Variants in ATAD2B observed in about 807,000 individuals in gnomAD.
ATAD2B encodes the protein ATPase family AAA domain containing 2B, also known as ATPase family AAA domain-containing protein 2B.
ATAD2B carries 40 observed loss-of-function variants against 167.6 expected under a neutral mutation model. The observed-to-expected ratio is 0.24, with a 90% confidence interval of 0.19 to 0.31. The LOEUF is 0.31. Ranked by LOEUF, ATAD2B falls within the 10% of genes least tolerant of loss-of-function variation. The pLI is 1.00. For missense variants in ATAD2B, 1,242 were observed against 1,757.2 expected, an observed-to-expected ratio of 0.71 and a Z score of 5.24; for synonymous variants, 579 against 596.5, an observed-to-expected ratio of 0.97 and a Z score of 0.43.
chr2:23,840,492 T>G (rs563947883), intron 13 of ATAD2B, among the ~76,000 whole-genome samples: 16 of 152,366 alleles, frequency 1.1e-4, no homozygotes, highest in African/African-American at 3.8e-4. Flanking sequence ...GATTTTTGTC[T>G]TTACAACACA....
chr2:23,851,423 G>A (rs781697954), intron 13 of ATAD2B, among the ~76,000 whole-genome samples: 16 of 152,188 alleles, frequency 1.1e-4, no homozygotes, highest in Non-Finnish European at 1.6e-4. Flanking sequence ...CTACAAGTGT[G>A]AGCCACTGTG....
chr2:23,806,202 C>T (rs1196701011), intron 18 of ATAD2B: 3 of 152,030 alleles, frequency 2.0e-5, no homozygotes, highest in Admixed American at 2.0e-4. Context: ...TTTATAGTTC[C>T]ACTGCCCATG....
chr2:23,910,433 C>G (rs1420066422), intron 1 of ATAD2B, among the ~76,000 whole-genome samples: 2 of 151,372 alleles, frequency 1.3e-5, no homozygotes, highest in Non-Finnish European at 2.9e-5. Context: ...CTGCCTAGGC[C>G]TCCCAAAGTG....
rs1331878566 is a variant in ATAD2B at position 23,817,930 on chromosome 2, A to G, written c.2267+1817T>C. Reference sequence around the variant, plus strand: ...TAAAAAGTCAAACTTAACACTGTACATGATACTTTCTAATATCAAAATCTA... The same window carrying G: ...TAAAAAGTCAAACTTAACACTGTACGTGATACTTTCTAATATCAAAATCTA... On this transcript the variant is annotated intron_variant, in intron 17 of 27. Coordinates refer to ENST00000238789, the MANE Select transcript of ATAD2B (RefSeq NM_017552.4). Among the ~76,000 whole-genome samples, 3 of 152,282 alleles carry G rather than the reference A, an allele frequency of 2.0e-5. No individual in the cohort carries two copies. The South Asian group carries it at 6.2e-4, about 32-fold the overall frequency.
intron 15 of ATAD2B, among the ~76,000 whole-genome samples, chr2:23,824,227 G>A (rs1687904543): frequency 6.6e-6 from 1 of 152,192 alleles, no homozygotes; most frequent in Non-Finnish European, 1.5e-5. Context: ...ACCCTCAAGT[G>A]CTGGGATTAC....
At chr2:23,726,747 G>A in the ATAD2B span, among the ~76,000 whole-genome samples, 12 of 152,230 alleles carry the variant, frequency 7.9e-5, no homozygotes, top group Middle Eastern at 3.4e-3. Flanking sequence ...TAAATAAGCC[G>A]GACACAAAAG....
chr2:23,711,229 TTC>T, the ATAD2B span, among the ~76,000 whole-genome samples: 1 of 151,816 alleles, frequency 6.6e-6, no homozygotes, highest in Non-Finnish European at 1.5e-5. Flanking sequence ...GCAATTTTTC[TTC>T]TCTCTTGTCC....
chr2:23,815,485 C>T (rs760000471), intron 17 of ATAD2B, among the ~76,000 whole-genome samples: 3 of 152,068 alleles, frequency 2.0e-5, no homozygotes, highest in Non-Finnish European at 4.4e-5. Flanking sequence ...CAGCTATGTA[C>T]GGAAAGATCC....
chr2:23,785,803 G>A, intron 21 of ATAD2B: 1 of 438,006 alleles, frequency 2.3e-6, no homozygotes, highest in Non-Finnish European at 4.0e-6. Flanking sequence ...GACCACAAAG[G>A]TTAATAATAA....
intron 1 of ATAD2B, among the ~76,000 whole-genome samples, chr2:23,913,248 T>G (rs1318621547): frequency 6.6e-6 from 1 of 152,224 alleles, no homozygotes; most frequent in East Asian, 1.9e-4. Flanking sequence ...CTATGTTAAG[T>G]GAGAGATGTT....
At chr2:23,872,320 A>C (rs1696118219) in intron 8 of ATAD2B, 5 of 566,150 alleles carry the variant, frequency 8.8e-6, no homozygotes, top group Admixed American at 2.0e-5. Flanking sequence ...CAGGAACTGC[A>C]TGCACCTGAT....
At chr2:23,865,513 G>A (rs1356399076) in intron 10 of ATAD2B, among the ~76,000 whole-genome samples, 1 of 145,110 alleles carries the variant, frequency 6.9e-6, no homozygotes, top group African/African-American at 2.6e-5. Context: ...TGGGCAACAA[G>A]AGTGAAACTC....
At chr2:23,819,035 A>G (rs1687032656) in intron 17 of ATAD2B, among the ~76,000 whole-genome samples, 1 of 152,252 alleles carries the variant, frequency 6.6e-6, no homozygotes, top group South Asian at 2.1e-4. Flanking sequence ...CTAAATGATC[A>G]TCTAAAGTTT....
intron 2 of ATAD2B, among the ~76,000 whole-genome samples, chr2:23,892,260 T>TTCACGCCATTCTCCTGCC (rs1249379914): frequency 1.3e-5 from 2 of 152,056 alleles, no homozygotes; most frequent in Non-Finnish European, 2.9e-5. Context: ...GCCTCCCTGG[T>TTCACGCCATTCTCCTGCC]TCACGCCATT....
intron 13 of ATAD2B, among the ~76,000 whole-genome samples, chr2:23,847,696 T>A (rs920650108): frequency 2.7e-5 from 4 of 145,632 alleles, no homozygotes; most frequent in Non-Finnish European, 6.1e-5. Context: ...AAAAAAAAAA[T>A]GTGCTTTCAG....
At chr2:23,880,055 TAA>T (rs768434692) in intron 7 of ATAD2B, among the ~76,000 whole-genome samples, 41 of 129,898 alleles carry the variant, frequency 3.2e-4, no homozygotes, top group Non-Finnish European at 3.1e-4. Flanking sequence ...ACTCTGTTTT[TAA>T]AAAAAAAAAA....
At chr2:23,836,023 G>A (rs1558630434) in intron 13 of ATAD2B, among the ~76,000 whole-genome samples, 2 of 152,134 alleles carry the variant, frequency 1.3e-5, no homozygotes, top group East Asian at 3.9e-4. Context: ...CTCTGTGGCT[G>A]GTAGTGCCTC....
At chr2:23,830,438 C>T (rs1211661044) in intron 14 of ATAD2B, among the ~76,000 whole-genome samples, 1 of 152,178 alleles carries the variant, frequency 6.6e-6, no homozygotes, top group Admixed American at 6.5e-5. Flanking sequence ...CTTGTTCCCT[C>T]AACACTGCTG....
chr2:23,681,830 T>C, the ATAD2B span, among the ~76,000 whole-genome samples: 1 of 152,178 alleles, frequency 6.6e-6, no homozygotes, highest in African/African-American at 2.4e-5. The surrounding 1 kb of genome is among the most constrained non-coding windows in gnomAD (Gnocchi z 4.2). Context: ...TGGGCATTAA[T>C]TCGGCTGGTG....
Sources: allele counts gnomAD v4.1 joint callset (sites outside exome capture counted in the v4.1 genomes callset), GRCh38; gene constraint gnomAD v4.1.1; non-coding constraint Gnocchi (gnomAD v3.1); transcripts MANE v1.5; gene names NCBI Gene and HGNC (gene_info 2026-07-23, HGNC 2026-07-21).